The following KHDC1 variants were observed in gnomAD, a reference collection of about 807,000 sequenced individuals.
The protein encoded by KHDC1 is KH domain containing 1.
Under a neutral mutation model 24.7 loss-of-function variants are expected in KHDC1, and 21 were observed. The observed-to-expected ratio is 0.85, with a 90% CI of 0.60 to 1.23. KHDC1 has a LOEUF of 1.23. KHDC1 is among the 50% of genes most tolerant of loss of function. The pLI is 0.00. For missense variants in KHDC1, 274 were observed against 298.5 expected (o/e 0.92, Z 0.61); for synonymous variants, 98 against 111.7 (o/e 0.88, Z 0.77).
chr6:73,242,478 A>C, exon 3 of KHDC1: 1 of 1,614,204 alleles, frequency 6.2e-7, no homozygotes, highest in Non-Finnish European at 8.5e-7. Flanking sequence ...GGCAGGGTCC[A>C]CCACGGCTTC....
At chr6:73,258,413 G>A (rs974243984) in intron 2 of KHDC1, among the ~76,000 whole-genome samples, 52 of 152,036 alleles carry the variant, frequency 3.4e-4, no homozygotes, top group Admixed American at 3.9e-4. Context: ...ACTGCACTCC[G>A]GCCTAGGTGA....
Position 73,292,219 on chromosome 6 carries a change from A to C in KHDC1, c.164-179T>G, listed in dbSNP as rs1473787920. The C allele has an allele frequency of 1.4e-5, 20 of 1,430,614 alleles. No individual in the cohort carries two copies. The East Asian group carries it at 4.5e-4, about 32-fold the overall frequency. 88.6% of individuals were successfully genotyped at this position (1,430,614 alleles called of 1,614,324 possible). On this transcript the variant is annotated intron_variant, in intron 1 of 4. Transcript: ENST00000370384. ...TTGCACAACTGAAACAGCTTCAGGC[A>C]GAAACAGAACTAATTGTGAAAATGT... is the stretch of plus-strand genomic sequence containing the variant.
chr6:73,266,856 A>G (rs1767084069), intron 2 of KHDC1, among the ~76,000 whole-genome samples: 1 of 152,236 alleles, frequency 6.6e-6, no homozygotes, highest in Non-Finnish European at 1.5e-5. Context: ...CAAATCATGT[A>G]TCTGATAAGA....
At chr6:73,255,770 C>G (rs556268845) in intron 2 of KHDC1, among the ~76,000 whole-genome samples, 60 of 151,556 alleles carry the variant, frequency 4.0e-4, no homozygotes, top group Non-Finnish European at 7.4e-4. Flanking sequence ...GGCACGGTGG[C>G]GGGCACCTTT....
chr6:73,305,385 C>T (rs900620457), intron 1 of KHDC1, among the ~76,000 whole-genome samples: 1 of 152,032 alleles, frequency 6.6e-6, no homozygotes, highest in Admixed American at 6.6e-5. Flanking sequence ...GACAACATAG[C>T]ATAAGAGCCA....
intron 2 of KHDC1, among the ~76,000 whole-genome samples, chr6:73,278,260 C>T (rs1331949304): frequency 6.6e-6 from 1 of 151,608 alleles, no homozygotes; most frequent in African/African-American, 2.4e-5. Flanking sequence ...CAAGTGATCC[C>T]CCCACCTCGG....
At chr6:73,284,914 G>T (rs536928929) in intron 2 of KHDC1, among the ~76,000 whole-genome samples, 1 of 151,390 alleles carries the variant, frequency 6.6e-6, no homozygotes, top group African/African-American at 2.4e-5. Flanking sequence ...GCGCAATCTC[G>T]GCTCCCTGCA....
At chr6:73,291,004 A>G in intron 2 of KHDC1, 1 of 370,046 alleles carries the variant, frequency 2.7e-6, no homozygotes, top group Non-Finnish European at 5.3e-6. Context: ...CTCTACTTCT[A>G]TAGAGATCCT....
intron 2 of KHDC1, among the ~76,000 whole-genome samples, chr6:73,247,838 A>G (rs780072058): frequency 2.7e-5 from 4 of 145,788 alleles, no homozygotes; most frequent in African/African-American, 1.1e-4. Context: ...CTTGGGAAAT[A>G]GAGCAAGACT....
intron 1 of KHDC1, chr6:73,292,181 A>T: frequency 6.6e-7 from 1 of 1,514,614 alleles, no homozygotes; most frequent in South Asian, 1.1e-5. Context: ...GAAAGAGAAT[A>T]GAACCACAGT....
chr6:73,245,214 G>T (rs1235186899), intron 2 of KHDC1, among the ~76,000 whole-genome samples: 1 of 152,148 alleles, frequency 6.6e-6, no homozygotes, highest in Non-Finnish European at 1.5e-5. Context: ...AACTGAAGAT[G>T]TTGGTTTGAT....
chr6:73,291,066 A>G (rs1047142650), intron 2 of KHDC1: 7 of 425,116 alleles, frequency 1.6e-5, no homozygotes, highest in Non-Finnish European at 3.2e-5. Context: ...AGGAATTTCA[A>G]AGTGAATGGA....
chr6:73,263,129 C>A, intron 2 of KHDC1: 3 of 995,184 alleles, frequency 3.0e-6, no homozygotes, highest in Non-Finnish European at 3.6e-6. Flanking sequence ...CCTCCTGGGC[C>A]GCGCACCCGA....
At chr6:73,277,688 A>T (rs1582572206) in intron 2 of KHDC1, among the ~76,000 whole-genome samples, 7 of 138,956 alleles carry the variant, frequency 5.0e-5, no homozygotes, top group East Asian at 2.3e-4. Flanking sequence ...TTGTCTCTAT[A>T]AAAAAAACTT....
At chr6:73,292,553 A>G in intron 1 of KHDC1, 1 of 767,968 alleles carries the variant, frequency 1.3e-6, no homozygotes, top group Non-Finnish European at 2.4e-6. Context: ...GACCATAGAT[A>G]ATAATTCTGT....
chr6:73,306,233 C>T (rs1168430344), intron 1 of KHDC1, among the ~76,000 whole-genome samples: 4 of 152,060 alleles, frequency 2.6e-5, no homozygotes, highest in Admixed American at 6.6e-5. Flanking sequence ...TCCACCAGAG[C>T]TCTAAATCAC....
intron 2 of KHDC1, among the ~76,000 whole-genome samples, chr6:73,259,999 C>A (rs10943084): frequency 2.0e-5 from 3 of 152,004 alleles, no homozygotes; most frequent in Admixed American, 2.0e-4. Context: ...ATCTAAGATG[C>A]CAATTTCTTT....
At chr6:73,283,234 A>G (rs1044264985) in intron 2 of KHDC1, among the ~76,000 whole-genome samples, 1 of 152,214 alleles carries the variant, frequency 6.6e-6, no homozygotes, top group African/African-American at 2.4e-5. Flanking sequence ...GAGTACCTAC[A>G]TAAATTATTT....
intron 2 of KHDC1, among the ~76,000 whole-genome samples, chr6:73,254,226 G>A (rs568698621): frequency 4.6e-5 from 7 of 152,010 alleles, no homozygotes; most frequent in African/African-American, 1.7e-4. Flanking sequence ...TTGGGAGGCC[G>A]AGGCGGGTGG....
Sources: allele counts gnomAD v4.1 joint callset (sites outside exome capture counted in the v4.1 genomes callset), GRCh38; gene constraint gnomAD v4.1.1; transcripts MANE v1.5; gene names NCBI Gene and HGNC (gene_info 2026-07-23, HGNC 2026-07-21).